Variants in RSRC2 observed in about 807,000 individuals in gnomAD.
RSRC2 encodes the protein arginine/serine-rich coiled-coil protein 2.
RSRC2 carries 5 observed loss-of-function variants against 61.3 expected under a neutral mutation model. That is an observed-to-expected ratio of 0.08 (90% confidence interval 0.04 to 0.17). The LOEUF (loss-of-function observed/expected upper bound fraction) is 0.17, where lower values mean the gene tolerates loss of function less well. Ranked by LOEUF, RSRC2 falls within the 10% of genes least tolerant of loss-of-function variation. The pLI is 1.00. For synonymous variants in RSRC2, 202 were observed against 166.5 expected (o/e 1.21, Z -1.64); for missense variants, 381 against 518.8 (o/e 0.73, Z 2.58).
intron 6 of RSRC2, chr12:122,514,447 T>C (rs561912884): frequency 4.1e-6 from 1 of 246,322 alleles, no homozygotes; most frequent in African/African-American, 2.3e-5. Context: ...GTATTTTTAG[T>C]AGAGATGGGG....
chr12:122,522,636 T>A (rs533951544), intron 1 of RSRC2, among the ~76,000 whole-genome samples: 1 of 152,214 alleles, frequency 6.6e-6, no homozygotes, highest in East Asian at 1.9e-4. Context: ...TAGTCCTTTT[T>A]AGATGTGTGA....
At chr12:122,513,249 T>TA (rs1958666366) in intron 6 of RSRC2, among the ~76,000 whole-genome samples, 9 of 130,622 alleles carry the variant, frequency 6.9e-5, no homozygotes, top group African/African-American at 2.4e-4. Context: ...ATAAATAAAA[T>TA]AAAATAAAAA....
intron 3 of RSRC2, chr12:122,519,265 AATG>A (rs1320325149): frequency 4.5e-6 from 2 of 447,550 alleles, no homozygotes; most frequent in Non-Finnish European, 8.0e-6. Context: ...CAACAGAAAC[AATG>A]ATTTTTAAAG....
intron 7 of RSRC2, among the ~76,000 whole-genome samples, chr12:122,508,985 T>C (rs1958301612): frequency 6.6e-6 from 1 of 152,032 alleles, no homozygotes; most frequent in African/African-American, 2.4e-5. Context: ...ATTTATTTAC[T>C]TTGAGGATAG....
At chr12:122,523,821 A>T (rs968022267) in intron 1 of RSRC2, 1 of 152,226 alleles carries the variant, frequency 6.6e-6, no homozygotes, top group Admixed American at 6.5e-5. Context: ...TTACTTCAAC[A>T]AGTATTTACT....
At chr12:122,522,569 G>T (rs750778796) in intron 1 of RSRC2, 31 of 279,224 alleles carry the variant, frequency 1.1e-4, no homozygotes, top group African/African-American at 3.5e-4. Context: ...ACATGGGGTG[G>T]GGTGGGGGAG....
chr12:122,512,900 T>A, intron 6 of RSRC2, among the ~76,000 whole-genome samples: 1 of 152,076 alleles, frequency 6.6e-6, no homozygotes. Context: ...AACAATAAAA[T>A]GTAGGTCGCA....
chr12:122,511,334 GA>G (rs1395112971), intron 6 of RSRC2, 146 bp from the exon 7 acceptor site: 3 of 542,478 alleles, frequency 5.5e-6, no homozygotes, highest in Non-Finnish European at 9.6e-6. Flanking sequence ...CGTATGTGAA[GA>G]AAAAGCAATC....
rs1227588449 is a variant in RSRC2, at chr12:122,517,469, T to C, written c.399-39A>G. 1.9e-6 allele frequency: 3 copies of C among 1,612,580 alleles called. No individual in the cohort carries two copies. In the East Asian group the frequency reaches 6.7e-5, roughly 36 times the overall value. On this transcript the variant is annotated intron_variant, in intron 4 of 9. Transcript: ENST00000331738. ...GCACAAATTTGTAATTACTTAAAAG[T>C]TGTGTTGTTTCATTTATACACATCA...
At chr12:122,507,191 G>A in intron 8 of RSRC2, 1 of 419,960 alleles carries the variant, frequency 2.4e-6, no homozygotes, top group East Asian at 5.4e-5. Context: ...TAGCCTGGAT[G>A]ACTAGGTGAA....
At chr12:122,520,624 C>T in intron 3 of RSRC2, 2 of 1,274,584 alleles carry the variant, frequency 1.6e-6, no homozygotes, top group Non-Finnish European at 2.1e-6. Context: ...GTGAGCTAAA[C>T]AAAATAGTCA....
At chr12:122,521,943 T>C (rs763605762) in intron 2 of RSRC2, among the ~76,000 whole-genome samples, 200 bp downstream of exon 2, 59 of 152,158 alleles carry the variant, frequency 3.9e-4, no homozygotes, top group Non-Finnish European at 6.3e-4. Flanking sequence ...GGAGGTTGCA[T>C]TGGGCTGAGA....
intron 1 of RSRC2, among the ~76,000 whole-genome samples, 198 bp downstream of exon 1, chr12:122,526,650 T>C (rs1276219854): frequency 2.0e-5 from 3 of 151,904 alleles, no homozygotes; most frequent in African/African-American, 7.3e-5. Context: ...AGGCACTCCC[T>C]GCGGCTCCCC....
intron 8 of RSRC2, chr12:122,507,727 T>TG (rs1332749804): frequency 5.9e-6 from 1 of 168,138 alleles, no homozygotes; most frequent in Non-Finnish European, 1.3e-5. Context: ...GATTTTTTTT[T>TG]TTTTTTTCCA....
chr12:122,507,883 C>A, intron 8 of RSRC2: 1 of 370,250 alleles, frequency 2.7e-6, no homozygotes, highest in Non-Finnish European at 5.2e-6. Flanking sequence ...TGTATGTAGG[C>A]TCTGCATCCC....
In RSRC2 at chr12:122,504,107, A is replaced by C. The variant is rs1007612673; in HGVS notation, c.*1420T>G. The C allele has an allele frequency of 2.6e-5, 4 of 152,118 alleles. No individual in the cohort carries two copies. The highest frequency in any genetic ancestry group is 2.6e-4 in the Admixed American group (4 of 15,278). 9.4% of individuals were successfully genotyped at this position (152,118 alleles called of 1,614,324 possible). On this transcript the variant is annotated 3_prime_UTR_variant, in exon 10 of 10. Coordinates refer to ENST00000331738, the MANE Select transcript of RSRC2 (RefSeq NM_023012.6). ...ATTTTCATGTATAAAAAAAATACCT[A>C]ATGAGCAAGTTGGCAAGACTTAATT... is the stretch of plus-strand genomic sequence containing the variant.
Position 122,518,937 on chromosome 12 carries a change from C to T in RSRC2, c.300G>A (p.Glu100=), listed in dbSNP as rs757150877. The change falls in exon 4 of 10, where the codon GAG becomes GAA. Residue 100 remains glutamate, a synonymous_variant. Coordinates refer to ENST00000331738, the MANE Select transcript of RSRC2 (RefSeq NM_023012.6). ...DKEHSSDKGR[E]RLNSSENGED... ...CACCATTTTCAGATGAATTTAGTCG[C>T]TCTCTTCCTTTATCAGAAGAATGTT... The T allele has an allele frequency of 2.5e-6, 4 of 1,613,934 alleles. No individual in the cohort carries two copies. The highest frequency in any genetic ancestry group is 3.4e-6 in the Non-Finnish European group (4 of 1,179,960).
Position 122,505,724 on chromosome 12 carries a change from A to C in RSRC2, c.1126-18T>G. 1 of 1,598,806 alleles carries C rather than the reference A, an allele frequency of 6.3e-7. No homozygotes were observed. Among genetic ancestry groups the C allele is most frequent in the Non-Finnish European group, 8.6e-7 (1 of 1,168,602 alleles). Reference sequence around the variant, plus strand: ...TCTTCACTCTAAAAATCAGACATAAAACATTACAATGAATTCAGATGGAGA... The same window carrying C: ...TCTTCACTCTAAAAATCAGACATAACACATTACAATGAATTCAGATGGAGA... On this transcript the variant is annotated intron_variant, in intron 9 of 9. Coordinates refer to ENST00000331738, the MANE Select transcript of RSRC2 (RefSeq NM_023012.6).
rs1169838098 is a variant in RSRC2 at position 122,525,801 on chromosome 12, G to GTTTTTTTTTTTTTTTT, written c.6+1031_6+1046dup. Among the ~76,000 whole-genome samples, 2 of 21,498 alleles carry GTTTTTTTTTTTTTTTT rather than the reference G, an allele frequency of 9.3e-5. 1 individual carries two copies. Among genetic ancestry groups the GTTTTTTTTTTTTTTTT allele is most frequent in the African/African-American group, 7.4e-4 (2 of 2,694 alleles). 14.1% of individuals were successfully genotyped at this position (21,498 alleles called of 152,430 possible). A position where few individuals can be genotyped will look rare whatever the true frequency, so the allele number is the denominator to read the frequency against. On this transcript the variant is annotated intron_variant, in intron 1 of 9. Transcript: ENST00000331738. ...GTAGCTCCTCTGGGGTCAACGAAGA[G>GTTTTTTTTTTTTTTTT]TTTTTTTTTTTTTTTTTTTTTTTTT...
Sources: allele counts gnomAD v4.1 joint callset (sites outside exome capture counted in the v4.1 genomes callset), GRCh38; gene constraint gnomAD v4.1.1; transcripts MANE v1.5; gene names NCBI Gene and HGNC (gene_info 2026-07-23, HGNC 2026-07-21).